CNP: variants seen among roughly 807,000 people sequenced by gnomAD.
CNP encodes 2',3'-cyclic-nucleotide 3'-phosphodiesterase.
Under a neutral mutation model 37.9 loss-of-function variants are expected in CNP, and 8 were observed. The ratio of observed to expected loss-of-function variants is 0.21; its 90% CI spans 0.12 to 0.38. The LOEUF is 0.38. Ranked by LOEUF, CNP falls within the 10% of genes least tolerant of loss-of-function variation. The probability of loss-of-function intolerance (pLI) is 1.00; values close to 1 mark genes in which losing one functional copy is unlikely to be tolerated. For missense variants in CNP, 457 were observed against 551.0 expected (o/e 0.83, Z 1.71); for synonymous variants, 237 against 238.3 (o/e 0.99, Z 0.05).
At chr17:41,973,334 G>A in intron 3 of CNP, 141 bp from the exon 4 acceptor site, 1 of 787,996 alleles carries the variant, frequency 1.3e-6, no homozygotes. Flanking sequence ...GTGGATGCTG[G>A]GCCTATACCG....
chr17:41,967,256 A>G (rs553128491), intron 1 of CNP: 289 of 189,946 alleles, frequency 1.5e-3, no homozygotes, highest in Non-Finnish European at 2.8e-3. Flanking sequence ...ATCACGCGGA[A>G]CCGCTGCCCC....
In CNP at chr17:41,973,987, G is replaced by T. The variant is rs2143048815; in HGVS notation, c.*63G>T. On this transcript the variant is annotated 3_prime_UTR_variant, in exon 4 of 4. Coordinates refer to ENST00000393892, the MANE Select transcript of CNP (RefSeq NM_033133.5). ...GGAGAGGGAAACGTGCCCTCTGTTT[G>T]ATCCTTGTTTTGTGACATTTTTTTT... 2.8e-5 allele frequency: 31 copies of T among 1,097,880 alleles called. No individual in the cohort carries two copies. Among genetic ancestry groups the T allele is most frequent in the South Asian group, 1.2e-4 (5 of 40,164 alleles). 68.0% of individuals were successfully genotyped at this position (1,097,880 alleles called of 1,614,324 possible).
intron 1 of CNP, chr17:41,967,775 G>A (rs984010406): frequency 8.2e-7 from 1 of 1,218,136 alleles, no homozygotes; most frequent in African/African-American, 1.5e-5. Flanking sequence ...GCATATAAGA[G>A]TGAGGCCAGT....
intron 3 of CNP, among the ~76,000 whole-genome samples, chr17:41,973,272 G>A (rs1449769189): frequency 2.0e-5 from 3 of 152,224 alleles, no homozygotes; most frequent in African/African-American, 7.2e-5. Flanking sequence ...GCGCCTTCGT[G>A]TTTCTCACTT....
In CNP at chr17:41,976,304, G is replaced by A; in HGVS notation, c.*2380G>A. The A allele has an allele frequency of 4.7e-6, 1 of 211,508 alleles. No individual in the cohort carries two copies. The highest frequency in any genetic ancestry group is 6.3e-5 in the Admixed American group (1 of 15,788). The allele number at this position is 211,508 out of a possible 1,614,324, so 13.1% of individuals were successfully genotyped here. ...CACATGCTGGACAGGTCTGGGAGAGGCAGAGTGCCCCACCTGCCACTAGGC... is the reference window on the plus strand; with the variant it reads ...CACATGCTGGACAGGTCTGGGAGAGACAGAGTGCCCCACCTGCCACTAGGC... On this transcript the variant is annotated 3_prime_UTR_variant, in exon 4 of 4. Transcript: ENST00000393892.
Position 41,968,425 on chromosome 17 carries a change from C to T in CNP, c.361C>T (p.Leu121Phe), listed in dbSNP as rs1555643246. 6.2e-7 allele frequency: 1 copy of T among 1,614,172 alleles called. No homozygotes were observed. The stretch of plus-strand genomic sequence containing the variant: ...CCGCCGGGACATCAGAATTCTTGTG[C>T]TTGATGACACCAACCACGAACGGGA... ...CRRRDIRILV[L>F]DDTNHERERL... The change falls in exon 2 of 4, where the codon CTT becomes TTT. Residue 121 changes from leucine (L) to phenylalanine (F), a missense_variant. This residue lies in a region of CNP where 166 missense variants were observed against 259.3 expected (regional missense o/e 0.64). Coordinates refer to ENST00000393892, the MANE Select transcript of CNP (RefSeq NM_033133.5). The surrounding 1 kb of genome is among the most constrained non-coding windows in gnomAD (Gnocchi z 4.8).
Position 41,966,870 on chromosome 17 carries a change from G to A in CNP, c.-15G>A, listed in dbSNP as rs2050903591. ...GGTGCCGGCAGAGGCGGCGACGGTG[G>A]CGCCCCTCCTCATCATGGTGAGAGG... On this transcript the variant is annotated 5_prime_UTR_variant, in exon 1 of 4. Coordinates refer to ENST00000393892, the MANE Select transcript of CNP (RefSeq NM_033133.5). 1.5e-6 allele frequency: 2 copies of A among 1,359,654 alleles called. No individual in the cohort carries two copies. The highest frequency in any genetic ancestry group is 1.7e-5 in the South Asian group (1 of 58,092). The allele number at this position is 1,359,654 out of a possible 1,614,324, so 84.2% of individuals were successfully genotyped here.
At position 41,968,784 on chromosome 17, in the gene CNP, C is replaced by T; in HGVS notation, c.676+44C>T. Reference sequence around the variant, plus strand: ...CCTTATAAGCCCACCTTGCTGGGCACAGGGTGCTGCGGGCAAAGGACCATC... The same window carrying T: ...CCTTATAAGCCCACCTTGCTGGGCATAGGGTGCTGCGGGCAAAGGACCATC... On this transcript the variant is annotated intron_variant, in intron 2 of 3. Transcript: ENST00000393892. The surrounding 1 kb of genome is among the most constrained non-coding windows in gnomAD (Gnocchi z 4.8). The T allele has an allele frequency of 1.3e-6, 2 of 1,548,612 alleles. No individual in the cohort carries two copies. Among genetic ancestry groups the T allele is most frequent in the Non-Finnish European group, 1.7e-6 (2 of 1,147,302 alleles).
intron 2 of CNP, chr17:41,970,857 C>T (rs1247174994): frequency 1.3e-5 from 2 of 151,220 alleles, no homozygotes; most frequent in African/African-American, 4.9e-5. Flanking sequence ...CAAAGACAGC[C>T]ACAGGTGTGG....
intron 2 of CNP, among the ~76,000 whole-genome samples, chr17:41,969,088 A>G (rs1250822583): frequency 6.6e-6 from 1 of 152,222 alleles, no homozygotes; most frequent in African/African-American, 2.4e-5. Context: ...GTCCTCTTCT[A>G]ATGTAACCTT....
rs1555644159 is a variant in CNP, at chr17:41,973,546, T to G, written c.888T>G (p.Thr296=). 1.2e-6 allele frequency: 2 copies of G among 1,614,074 alleles called. No individual in the cohort carries two copies. The highest frequency in any genetic ancestry group is 3.3e-5 in the Admixed American group (2 of 60,002). ...CCCTCTTTGTGACACCCAAGACGAC[T>G]GGGGCCCGGGTGGAGTTAAGCGAGC... is the stretch of plus-strand genomic sequence containing the variant. ...ISALFVTPKT[T]GARVELSEQQ... Residue 296 remains threonine (T), a synonymous_variant, in exon 4 of 4, where the codon ACT becomes ACG. Coordinates refer to ENST00000393892, the MANE Select transcript of CNP (RefSeq NM_033133.5).
rs533876819 is a variant in CNP, at chr17:41,977,034, C to T, written c.*3110C>T. The stretch of plus-strand genomic sequence containing the variant: ...CTTGGTACTAGGCAGTTAGAGATGC[C>T]TCCCTGACCCTGCAGAGATGCGGTG... On this transcript the variant is annotated 3_prime_UTR_variant, in exon 4 of 4. Coordinates refer to ENST00000393892, the MANE Select transcript of CNP (RefSeq NM_033133.5). 4.1e-5 allele frequency: 26 copies of T among 640,668 alleles called. 1 individual carries two copies. In the South Asian group the frequency reaches 5.2e-4, roughly 13 times the overall value. 39.7% of individuals were successfully genotyped at this position (640,668 alleles called of 1,614,324 possible).
intron 2 of CNP, 138 bp from the exon 3 acceptor site, chr17:41,971,754 A>G (rs2050993501): frequency 3.5e-6 from 4 of 1,151,852 alleles, no homozygotes; most frequent in South Asian, 3.0e-5. Flanking sequence ...CAACTAACCA[A>G]TGAATGAGCT....
rs781956866 is a variant in CNP, at chr17:41,976,775, AAG to A, written c.*2855_*2856del. 310 of 1,610,920 alleles carry A rather than the reference AAG, an allele frequency of 1.9e-4. No homozygotes were observed. The highest frequency in any genetic ancestry group is 2.3e-4 in the Non-Finnish European group (272 of 1,179,372). ...AGAAATTCCCTGGACCAGATGCTGAAAGAGAAAAGAGGGGTTGGTAGTTGGCT... is the reference window on the plus strand; with the variant it reads ...AGAAATTCCCTGGACCAGATGCTGAAAGAAAAGAGGGGTTGGTAGTTGGCT... On this transcript the variant is annotated 3_prime_UTR_variant, in exon 4 of 4. Transcript: ENST00000393892.
rs1280145441 is a variant in CNP at position 41,968,070 on chromosome 17, C to G, written c.6C>G (p.Asn2Lys). M[N>K]RGFSRKSHTF... ...CATCTCTTCCCCTCCTTACACAGAACAGAGGCTTCTCCCGAAAAAGCCACA... is the reference window on the plus strand; with the variant it reads ...CATCTCTTCCCCTCCTTACACAGAAGAGAGGCTTCTCCCGAAAAAGCCACA... Residue 2 changes from asparagine (N) to lysine (K), a missense_variant and splice_region_variant, in exon 2 of 4, where the codon AAC (asparagine) becomes AAG (lysine). Asn to Lys is a moderately conservative substitution (Grantham distance 94). Around this residue, in one of 2 missense-constraint regions of CNP, gnomAD observed 166 missense variants for 259.3 expected, o/e 0.64. Transcript: ENST00000393892. The surrounding 1 kb of genome is among the most constrained non-coding windows in gnomAD (Gnocchi z 4.8). 6.2e-7 allele frequency: 1 copy of G among 1,611,282 alleles called. No individual in the cohort carries two copies. Among genetic ancestry groups the G allele is most frequent in the African/African-American group, 1.3e-5 (1 of 74,918 alleles).
At position 41,968,027 on chromosome 17, in the gene CNP, G is replaced by A. The variant is rs1435645185; in HGVS notation, c.4-41G>A. The A allele has an allele frequency of 1.5e-5, 23 of 1,575,056 alleles. No homozygotes were observed. The highest frequency in any genetic ancestry group is 2.0e-5 in the Non-Finnish European group (23 of 1,157,890). The stretch of plus-strand genomic sequence containing the variant: ...TAGGGGTAAGGCCGGCGGGGAGCCC[G>A]CGAATGACCTGGGCTGACATCTCTT... On this transcript the variant is annotated intron_variant, in intron 1 of 3. Coordinates refer to ENST00000393892, the MANE Select transcript of CNP (RefSeq NM_033133.5). This position sits in a 1 kb window ranked among gnomAD's most constrained non-coding sequence, Gnocchi z 4.8.
chr17:41,973,010 C>G (rs530262436), intron 3 of CNP, among the ~76,000 whole-genome samples: 1 of 152,336 alleles, frequency 6.6e-6, no homozygotes, highest in East Asian at 1.9e-4. Context: ...CTCCAGGGCG[C>G]TGTCTGGGTC....
chr17:41,973,720 G>T lies in CNP; in HGVS notation c.1062G>T (p.Gln354His). The T allele has an allele frequency of 6.2e-7, 1 of 1,611,898 alleles. No individual in the cohort carries two copies. The highest frequency in any genetic ancestry group is 8.5e-7 in the Non-Finnish European group (1 of 1,178,610). ...TTGACCTCTTAGAGATTCTGCGGCA[G>T]GAGAAGGGGGGCAGCCGAGGCGAGG... ...TGLDLLEILR[Q>H]EKGGSRGEEV... The change falls in exon 4 of 4, where the codon CAG becomes CAT. Residue 354 changes from glutamine to histidine, a missense_variant. Gln to His is a conservative substitution (Grantham distance 24, BLOSUM62 0). This residue lies in a region of CNP where 291 missense variants were observed against 291.7 expected (regional missense o/e 1.00). Coordinates refer to ENST00000393892, the MANE Select transcript of CNP (RefSeq NM_033133.5).
In CNP at chr17:41,976,156, GAC is replaced by G. The variant is rs1555644734; in HGVS notation, c.*2240_*2241del. On this transcript the variant is annotated 3_prime_UTR_variant, in exon 4 of 4. Transcript: ENST00000393892. ...GCTTTTAGTACCCACCTGAGCTTTG[GAC>G]ACACACAGCTTCTAGTGATTTCTGG... 1 of 156,922 alleles carries G rather than the reference GAC, an allele frequency of 6.4e-6. No individual in the cohort carries two copies. 9.7% of individuals were successfully genotyped at this position (156,922 alleles called of 1,614,324 possible).
Sources: gnomAD v4.1 joint callset for allele counts (sites outside exome capture counted in the v4.1 genomes callset) on GRCh38, gnomAD v4.1.1 for gene constraint, gnomAD v4.1.1 regional missense constraint, Gnocchi (gnomAD v3.1) non-coding constraint, MANE v1.5 for transcripts, NCBI Gene and HGNC (gene_info 2026-07-23, HGNC 2026-07-21) for gene names.